Variants in DHX35 observed in about 807,000 individuals in gnomAD.
DHX35 encodes the protein DEAH-box helicase 35, also known as probable ATP-dependent RNA helicase DHX35.
In DHX35, 84 loss-of-function variants were observed where a neutral mutation model predicts 99.6. The observed-to-expected ratio is 0.84, with a 90% CI of 0.71 to 1.01. The LOEUF (loss-of-function observed/expected upper bound fraction) is 1.01. Among genes scored for constraint, DHX35 ranks in the 50% least tolerant of loss-of-function variants. The probability of loss-of-function intolerance (pLI) is 0.00; values close to 1 mark genes in which losing one functional copy is unlikely to be tolerated. For synonymous variants in DHX35, 331 were observed against 316.2 expected (o/e 1.05, Z -0.50); for missense variants, 852 against 888.5 (o/e 0.96, Z 0.52).
intron 8 of DHX35, among the ~76,000 whole-genome samples, chr20:38,998,963 A>G (rs953360751): frequency 1.3e-5 from 2 of 151,714 alleles, no homozygotes; most frequent in African/African-American, 2.4e-5. Context: ...CGCTCAGCCA[A>G]TTTTTTTGTA....
chr20:39,002,622 A>T (rs112333637), intron 9 of DHX35, 150 bp from the exon 10 acceptor site: 10 of 578,368 alleles, frequency 1.7e-5, no homozygotes, highest in African/African-American at 1.3e-4. Flanking sequence ...TTTGAAAAAA[A>T]TGAATATTTA....
intron 4 of DHX35, 88 bp from the exon 5 acceptor site, chr20:38,988,725 A>G: frequency 6.4e-7 from 1 of 1,561,344 alleles, no homozygotes. Context: ...ACTATTTAAA[A>G]TATAAATGAC....
chr20:39,022,333 AT>A (rs1454324687), intron 16 of DHX35, among the ~76,000 whole-genome samples: 1 of 151,928 alleles, frequency 6.6e-6, no homozygotes, highest in Non-Finnish European at 1.5e-5. Context: ...TAATTTTTGT[AT>A]TTTTAGTAGA....
rs1464449819 is a variant in DHX35 at position 38,991,532 on chromosome 20, T to C, written c.512+17T>C. 1 of 1,610,444 alleles carries C rather than the reference T, an allele frequency of 6.2e-7. No homozygotes were observed. The highest frequency in any genetic ancestry group is 8.5e-7 in the Non-Finnish European group (1 of 1,177,982). On this transcript the variant is annotated intron_variant, in intron 6 of 21. Coordinates refer to ENST00000252011, the MANE Select transcript of DHX35 (RefSeq NM_021931.4). ...AAAATATAGGTAAATGTGTTTTTCT[T>C]ATGATAGCTTTCCTAGTTTCCAAAG...
Position 39,003,928 on chromosome 20 carries a change from A to G in DHX35, c.1011+21A>G, listed in dbSNP as rs371350613. 849 of 1,611,156 alleles carry G rather than the reference A, an allele frequency of 5.3e-4. 3 individuals are homozygous for G. Among genetic ancestry groups the G allele is most frequent in the Non-Finnish European group, 6.1e-4 (723 of 1,177,604 alleles). ...GAAAGGTGAGACTATCCTGATGACC[A>G]AGGGTGTTGGCAGCCGTCTATAATC... is the stretch of plus-strand genomic sequence containing the variant. On this transcript the variant is annotated intron_variant, in intron 11 of 21. Coordinates refer to ENST00000252011, the MANE Select transcript of DHX35 (RefSeq NM_021931.4).
rs2086209505 is a variant in DHX35 at position 38,983,807 on chromosome 20, A to G, written c.345+31A>G. The G allele has an allele frequency of 5.1e-6, 8 of 1,580,748 alleles. No individual in the cohort carries two copies. In the East Asian group the frequency reaches 6.8e-5, roughly 13 times the overall value. On this transcript the variant is annotated intron_variant, in intron 4 of 21. Transcript: ENST00000252011. ...TTTCTTTTTGTGTTGGAAAGATTCT[A>G]TCTGTGTTGTCTACATTTGTGATTT...
At chr20:39,038,298 C>T (rs184454176) in intron 21 of DHX35, among the ~76,000 whole-genome samples, 2 of 152,360 alleles carry the variant, frequency 1.3e-5, no homozygotes, top group East Asian at 3.9e-4. Context: ...CCTCGGGTTG[C>T]TGGCGGCTGA....
chr20:38,995,684 T>C (rs2086418350), intron 8 of DHX35, among the ~76,000 whole-genome samples: 1 of 152,138 alleles, frequency 6.6e-6, no homozygotes, highest in South Asian at 2.1e-4. Context: ...CATGCAGAAA[T>C]AGATGTTTGC....
chr20:38,977,772 T>C (rs2086104142), intron 3 of DHX35: 1 of 461,910 alleles, frequency 2.2e-6, no homozygotes, highest in Admixed American at 3.0e-5. Flanking sequence ...GGAATTTTTT[T>C]CTTGTTTTTT....
In DHX35 at chr20:38,962,990, A is replaced by T. The variant is rs545282581; in HGVS notation, c.40+583A>T. 3 of 152,930 alleles carry T rather than the reference A, an allele frequency of 2.0e-5. No homozygotes were observed. The South Asian group carries it at 6.0e-4, about 31-fold the overall frequency. 9.5% of individuals were successfully genotyped at this position (152,930 alleles called of 1,614,324 possible). A position where few individuals can be genotyped will look rare whatever the true frequency, so the allele number is the denominator to read the frequency against. The stretch of plus-strand genomic sequence containing the variant: ...AGACTTAGAATAAATGCTCAAAAAA[A>T]GGGAAAGTGTGTTATTTTCTTTTAG... On this transcript the variant is annotated intron_variant, in intron 1 of 21. Coordinates refer to ENST00000252011, the MANE Select transcript of DHX35 (RefSeq NM_021931.4).
chr20:38,975,252 G>A (rs2086058991), intron 3 of DHX35, among the ~76,000 whole-genome samples: 1 of 152,312 alleles, frequency 6.6e-6, no homozygotes, highest in Middle Eastern at 3.4e-3. Context: ...AATGCATGCA[G>A]CAGAGGAAAT....
rs2086405630 is a variant in DHX35, at chr20:38,995,016, G to A, written c.642+136G>A. 3 of 673,654 alleles carry A rather than the reference G, an allele frequency of 4.5e-6. No individual in the cohort carries two copies. In the East Asian group the frequency reaches 8.0e-5, roughly 18 times the overall value. 41.7% of individuals were successfully genotyped at this position (673,654 alleles called of 1,614,324 possible). A position where few individuals can be genotyped will look rare whatever the true frequency, so the allele number is the denominator to read the frequency against. The stretch of plus-strand genomic sequence containing the variant: ...CTTTATGGGACCATCTGATGTCCTA[G>A]ATTTCATATAATCAGAGGTTACTCC... On this transcript the variant is annotated intron_variant, in intron 8 of 21. Transcript: ENST00000252011.
chr20:39,014,614 C>T (rs908081524), intron 13 of DHX35, among the ~76,000 whole-genome samples: 1 of 152,070 alleles, frequency 6.6e-6, no homozygotes, highest in African/African-American at 2.4e-5. Context: ...AGATAGGGAC[C>T]TATCACGTCT....
intron 14 of DHX35, 81 bp from the exon 15 acceptor site, chr20:39,018,723 A>G: frequency 7.4e-7 from 1 of 1,344,154 alleles, no homozygotes. Context: ...AGCATACATT[A>G]TCTTTTATTC....
chr20:38,968,732 A>G (rs1266841748), intron 1 of DHX35, among the ~76,000 whole-genome samples: 1 of 152,076 alleles, frequency 6.6e-6, no homozygotes, highest in African/African-American at 2.4e-5. Context: ...TTTGTATTTT[A>G]GTACAGGTGG....
At chr20:39,004,288 A>G (rs1268067707) in intron 11 of DHX35, among the ~76,000 whole-genome samples, 1 of 152,042 alleles carries the variant, frequency 6.6e-6, no homozygotes, top group Non-Finnish European at 1.5e-5. Flanking sequence ...GATGGTCTCG[A>G]TCTCCTGACC....
At chr20:38,969,453 A>G (rs1478722075) in intron 2 of DHX35, among the ~76,000 whole-genome samples, 1 of 152,202 alleles carries the variant, frequency 6.6e-6, no homozygotes, top group East Asian at 1.9e-4. Context: ...AATTAGAATG[A>G]CTTTTGTTTT....
Position 38,972,563 on chromosome 20 carries a change from G to A in DHX35, c.179G>A (p.Arg60Lys). The A allele has an allele frequency of 6.2e-7, 1 of 1,603,086 alleles. No homozygotes were observed. The highest frequency in any genetic ancestry group is 1.7e-5 in the Admixed American group (1 of 59,716). The stretch of plus-strand genomic sequence containing the variant: ...AGGTGTGTTATTCTTTTTCAGCTTA[G>A]GAATCATATTTTATACTTGATAGAA... ...QRQKLPVFKL[R>K]NHILYLIENY... The change falls in exon 3 of 22, where the codon AGG becomes AAG. Residue 60 changes from arginine (R) to lysine (K), a missense_variant. Transcript: ENST00000252011.
In DHX35 at chr20:38,983,776, A is replaced by C; in HGVS notation, c.345A>C (p.Thr115=). Residue 115 remains threonine (T), a splice_region_variant and synonymous_variant, in exon 4 of 22, where the codon ACA becomes ACC. Coordinates refer to ENST00000252011, the MANE Select transcript of DHX35 (RefSeq NM_021931.4). The stretch of plus-strand genomic sequence containing the variant: ...AGCCTCGAAGAGTGGCTGCTGTTAC[A>C]GTGAGTTTCTTTTTGTGTTGGAAAG... ...VTQPRRVAAV[T]VAGRVAEERG... The C allele has an allele frequency of 6.2e-7, 1 of 1,613,068 alleles. No homozygotes were observed. The highest frequency in any genetic ancestry group is 8.5e-7 in the Non-Finnish European group (1 of 1,179,308).
Sources: gnomAD v4.1 joint callset for allele counts (sites outside exome capture counted in the v4.1 genomes callset) on GRCh38, gnomAD v4.1.1 for gene constraint, MANE v1.5 for transcripts, NCBI Gene and HGNC (gene_info 2026-07-23, HGNC 2026-07-21) for gene names.